Variants in SRP54 observed in about 807,000 individuals in gnomAD.
SRP54 encodes the protein signal recognition particle 54.
A neutral mutation model predicts 64.8 loss-of-function variants in SRP54; 10 were observed. That is an observed-to-expected ratio of 0.15 (90% confidence interval 0.10 to 0.26). The LOEUF is 0.26. Among genes scored for constraint, SRP54 ranks in the 10% least tolerant of loss-of-function variants. SRP54 has a pLI of 1.00. For missense variants in SRP54, 325 were observed against 613.7 expected (o/e 0.53, Z 4.97); for synonymous variants, 193 against 185.6 (o/e 1.04, Z -0.32).
At chr14:34,992,870 A>G (rs755464000) in intron 1 of SRP54, among the ~76,000 whole-genome samples, 10 of 151,916 alleles carry the variant, frequency 6.6e-5, no homozygotes, top group Non-Finnish European at 1.5e-4. Context: ...TTATTTATTT[A>G]TTTATTTATT....
chr14:34,999,869 A>AT (rs1433075877), intron 3 of SRP54: 5 of 332,610 alleles, frequency 1.5e-5, no homozygotes, highest in Admixed American at 4.4e-5. Flanking sequence ...TTAATTACAT[A>AT]TTTTTTTCTA....
At chr14:35,026,038 A>C (rs2044615399) in intron 14 of SRP54, among the ~76,000 whole-genome samples, 1 of 149,254 alleles carries the variant, frequency 6.7e-6, no homozygotes, top group Non-Finnish European at 1.5e-5. Context: ...CCTGGGCGAC[A>C]GAGCAAGAGC....
At chr14:34,986,946 T>C (rs1313792038) in intron 1 of SRP54, among the ~76,000 whole-genome samples, 6 of 151,422 alleles carry the variant, frequency 4.0e-5, no homozygotes, top group East Asian at 2.0e-4. Context: ...TATTAAAATA[T>C]AATTCTTGGC....
At chr14:34,995,709 CTA>C (rs1360018128) in intron 1 of SRP54, among the ~76,000 whole-genome samples, 2 of 152,148 alleles carry the variant, frequency 1.3e-5, no homozygotes, top group African/African-American at 4.8e-5. Flanking sequence ...TTGCATGTGA[CTA>C]TTTTTTGGAA....
intron 4 of SRP54, among the ~76,000 whole-genome samples, chr14:35,001,893 AAGG>A (rs1444691491): frequency 6.6e-6 from 1 of 152,130 alleles, no homozygotes; most frequent in Non-Finnish European, 1.5e-5. Flanking sequence ...AAAAAAAAGA[AAGG>A]AGCTGTTAAA....
At chr14:35,022,212 G>GTT (rs2044542828) in intron 13 of SRP54, among the ~76,000 whole-genome samples, 1 of 151,994 alleles carries the variant, frequency 6.6e-6, no homozygotes. Context: ...CCTGGAGAGG[G>GTT]TAGACATATG....
chr14:35,016,795 G>T (rs1434928684), intron 11 of SRP54, among the ~76,000 whole-genome samples: 2 of 150,366 alleles, frequency 1.3e-5, no homozygotes, highest in African/African-American at 4.9e-5. Context: ...ACTATTGAAT[G>T]AATGAATTTA....
At chr14:34,989,952 C>G (rs1484172238) in intron 1 of SRP54, among the ~76,000 whole-genome samples, 2 of 152,124 alleles carry the variant, frequency 1.3e-5, no homozygotes, top group Non-Finnish European at 1.5e-5. Context: ...AAGTAACTTG[C>G]CCAAAGTAAC....
intron 5 of SRP54, 32 bp downstream of exon 5, chr14:35,007,419 A>G: frequency 6.9e-7 from 1 of 1,441,746 alleles, no homozygotes; most frequent in Non-Finnish European, 9.5e-7. Context: ...AAGAAGTCAT[A>G]TGGAAGATAG....
intron 1 of SRP54, among the ~76,000 whole-genome samples, chr14:34,991,921 A>G (rs1006979971): frequency 1.3e-5 from 2 of 151,984 alleles, no homozygotes; most frequent in African/African-American, 4.8e-5. Context: ...GAAATGCAGG[A>G]TTTTATTTTG....
chr14:35,000,504 T>C (rs1594988287), intron 3 of SRP54, among the ~76,000 whole-genome samples: 3 of 151,326 alleles, frequency 2.0e-5, no homozygotes, highest in African/African-American at 7.3e-5. Flanking sequence ...GAGACAGAGG[T>C]TGCAGTGAGC....
intron 14 of SRP54, among the ~76,000 whole-genome samples, chr14:35,025,688 G>A (rs2044609829): frequency 6.6e-6 from 1 of 152,176 alleles, no homozygotes; most frequent in South Asian, 2.1e-4. Context: ...TCACTAATGA[G>A]CATGGAATTC....
rs28627922 is a variant in SRP54 at position 34,999,426 on chromosome 14, C to T, written c.79-132C>T. The T allele has an allele frequency of 0.4, 233,253 of 588,948 alleles. 49,588 individuals carry two copies. Among genetic ancestry groups the T allele is most frequent in the East Asian group, 0.73 (26,478 of 36,280 alleles). The allele number at this position is 588,948 out of a possible 1,614,324, so 36.5% of individuals were successfully genotyped here. A position where few individuals can be genotyped will look rare whatever the true frequency, so the allele number is the denominator to read the frequency against. On this transcript the variant is annotated intron_variant, in intron 2 of 15. Transcript: ENST00000216774. ...CTAAACATTTAATAAAATTATCTCTCCAAGAACTAACTGAAAAACCCAGTA... is the reference window on the plus strand; with the variant it reads ...CTAAACATTTAATAAAATTATCTCTTCAAGAACTAACTGAAAAACCCAGTA...
At chr14:35,002,980 A>G (rs2044201631) in intron 4 of SRP54, among the ~76,000 whole-genome samples, 1 of 150,686 alleles carries the variant, frequency 6.6e-6, no homozygotes, top group Non-Finnish European at 1.5e-5. Flanking sequence ...TCCTGACCTC[A>G]AGTGATCCAC....
chr14:34,988,560 C>CA (rs1160365086), intron 1 of SRP54, among the ~76,000 whole-genome samples: 1,390 of 26,368 alleles, frequency 0.053, 229 homozygotes, highest in East Asian at 0.17. Context: ...GACTCCATCT[C>CA]AAAAAAAAAA....
chr14:34,986,753 C>T (rs2043901279), intron 1 of SRP54, among the ~76,000 whole-genome samples: 1 of 151,798 alleles, frequency 6.6e-6, no homozygotes, highest in Admixed American at 6.6e-5. Context: ...GTGGCAGGCA[C>T]CTGTAATCCC....
chr14:35,008,953 C>G lies in SRP54; in HGVS notation c.485+122C>G, dbSNP rs1020019512. 7.3e-6 allele frequency: 5 copies of G among 684,520 alleles called. No individual in the cohort carries two copies. In the Admixed American group the frequency reaches 1.0e-4, roughly 14 times the overall value. 42.4% of individuals were successfully genotyped at this position (684,520 alleles called of 1,614,324 possible). ...CCAGGCTGGGGTGCAATGGTGCGAT[C>G]TTGGCTCACTGCAACCACCACCTCC... On this transcript the variant is annotated intron_variant, in intron 7 of 15. Coordinates refer to ENST00000216774, the MANE Select transcript of SRP54 (RefSeq NM_003136.4).
intron 1 of SRP54, among the ~76,000 whole-genome samples, chr14:34,995,179 GTGTGTGTGT>G (rs1362797372): frequency 3.4e-4 from 40 of 116,248 alleles, no homozygotes; most frequent in African/African-American, 1.1e-3. Context: ...GTGTGTGTGT[GTGTGTGTGT>G]AGAGAGAGAG....
Position 35,013,353 on chromosome 14 carries a change from A to G in SRP54, c.644A>G (p.Asp215Gly). 6 of 1,613,160 alleles carry G rather than the reference A, an allele frequency of 3.7e-6. No individual in the cohort carries two copies. Among genetic ancestry groups the G allele is most frequent in the Non-Finnish European group, 5.1e-6 (6 of 1,179,742 alleles). The part of the protein sequence containing the change: ...MLQVANAIQP[D>G]NIVYVMDASI... ...TCTATTTAAACTTTCTAGCAACCTG[A>G]TAACATTGTTTATGTGATGGATGCC... is the stretch of plus-strand genomic sequence containing the variant. The change falls in exon 9 of 16, where the codon GAT (aspartate) becomes GGT (glycine). Residue 215 changes from aspartate (D) to glycine (G), a missense_variant. This residue lies in a region of SRP54 where 156 missense variants were observed against 254.6 expected (regional missense o/e 0.61). Coordinates refer to ENST00000216774, the MANE Select transcript of SRP54 (RefSeq NM_003136.4).
Sources: allele counts gnomAD v4.1 joint callset (sites outside exome capture counted in the v4.1 genomes callset), GRCh38; gene constraint gnomAD v4.1.1; regional missense constraint gnomAD v4.1.1; transcripts MANE v1.5; gene names NCBI Gene and HGNC (gene_info 2026-07-23, HGNC 2026-07-21).